RBM47: variants seen among roughly 807,000 people sequenced by gnomAD.
RBM47 encodes the protein RNA binding motif protein 47, also known as RNA-binding protein 47.
A neutral mutation model predicts 47.1 loss-of-function variants in RBM47; 21 were observed. The observed-to-expected ratio is 0.45, with a 90% CI of 0.32 to 0.64. The LOEUF is 0.64. Among genes scored for constraint, RBM47 ranks in the 30% least tolerant of loss-of-function variants. The pLI is 0.05. For missense variants in RBM47, 708 were observed against 870.9 expected (o/e 0.81, Z 2.35); for synonymous variants, 375 against 361.7 (o/e 1.04, Z -0.42).
At chr4:40,576,250 T>C (rs1261433412) in intron 1 of RBM47, among the ~76,000 whole-genome samples, 1 of 95,910 alleles carries the variant, frequency 1.0e-5, no homozygotes, top group East Asian at 2.3e-4. Flanking sequence ...GTTTTTTTTT[T>C]TTTTTTGGGG....
intron 3 of RBM47, among the ~76,000 whole-genome samples, chr4:40,445,975 G>T (rs977737227): frequency 3.3e-5 from 5 of 152,286 alleles, no homozygotes; most frequent in Admixed American, 6.5e-5. Flanking sequence ...AAAGGGACTG[G>T]GCATTCTGGT....
At chr4:40,465,442 C>T (rs1033856657) in intron 3 of RBM47, among the ~76,000 whole-genome samples, 1 of 152,140 alleles carries the variant, frequency 6.6e-6, no homozygotes, top group Non-Finnish European at 1.5e-5. Flanking sequence ...GGCAGATTGC[C>T]TGAGCTCAGA....
rs1256296949 is a variant in RBM47, at chr4:40,437,090, A to AAAAAAAAAAAAATATATAT, written c.1124-444_1124-443insATATATATTTTTTTTTTTT. Among the ~76,000 whole-genome samples, 28 of 49,778 alleles carry AAAAAAAAAAAAATATATAT rather than the reference A, an allele frequency of 5.6e-4. 1 individual carries two copies. The highest frequency in any genetic ancestry group is 2.6e-3 in the African/African-American group (24 of 9,144). 32.7% of individuals were successfully genotyped at this position (49,778 alleles called of 152,430 possible). A position where few individuals can be genotyped will look rare whatever the true frequency, so the allele number is the denominator to read the frequency against. ...CCCTGTCTCAAAAAAAAAAAAAAAA[A>AAAAAAAAAAAAATATATAT]ATATATATATATATATATATAAAAT... On this transcript the variant is annotated intron_variant, in intron 4 of 6. Transcript: ENST00000295971.
At chr4:40,563,815 G>A (rs1446977379) in intron 1 of RBM47, among the ~76,000 whole-genome samples, 2 of 152,168 alleles carry the variant, frequency 1.3e-5, no homozygotes, top group Non-Finnish European at 2.9e-5. Flanking sequence ...CACCCTTCAG[G>A]AAGGCACATT....
intron 2 of RBM47, among the ~76,000 whole-genome samples, chr4:40,531,847 C>A (rs900479755): frequency 6.6e-6 from 1 of 151,802 alleles, no homozygotes; most frequent in South Asian, 2.1e-4. Context: ...GATGGTAGTG[C>A]GAATGAAGAG....
chr4:40,451,562 A>G (rs975083594), intron 3 of RBM47, among the ~76,000 whole-genome samples: 1 of 152,190 alleles, frequency 6.6e-6, no homozygotes, highest in Non-Finnish European at 1.5e-5. Flanking sequence ...TTTCTTCAAT[A>G]ATGCAATAAC....
At chr4:40,560,440 A>T (rs1577960267) in intron 1 of RBM47, among the ~76,000 whole-genome samples, 1 of 55,014 alleles carries the variant, frequency 1.8e-5, no homozygotes, top group African/African-American at 1.6e-4. Context: ...AGGTGCATTT[A>T]AAAAAAAAAT....
chr4:40,598,017 T>C (rs1734911157), intron 1 of RBM47, among the ~76,000 whole-genome samples: 1 of 152,326 alleles, frequency 6.6e-6, no homozygotes, highest in East Asian at 1.9e-4. Context: ...CGGAATCTTT[T>C]TAAGGCAGGG....
At chr4:40,585,864 T>A (rs1199319547) in intron 1 of RBM47, among the ~76,000 whole-genome samples, 1 of 152,222 alleles carries the variant, frequency 6.6e-6, no homozygotes, top group Non-Finnish European at 1.5e-5. Flanking sequence ...GACCTATGTG[T>A]TGAATGAGTG....
chr4:40,483,005 CACTA>C (rs1428147794), intron 2 of RBM47, among the ~76,000 whole-genome samples: 2 of 152,104 alleles, frequency 1.3e-5, no homozygotes, highest in African/African-American at 4.8e-5. Context: ...AAAAATCAAA[CACTA>C]AAACTTTAGC....
chr4:40,568,978 T>A (rs1731386295), intron 1 of RBM47, among the ~76,000 whole-genome samples: 1 of 132,828 alleles, frequency 7.5e-6, no homozygotes, highest in Admixed American at 7.4e-5. Context: ...TGAGACTCTG[T>A]CTCAAAAGAT....
At chr4:40,498,054 T>TTATATATATATA (rs6148409) in intron 2 of RBM47, among the ~76,000 whole-genome samples, 1,210 of 109,770 alleles carry the variant, frequency 0.011, 40 homozygotes, top group African/African-American at 0.031. Flanking sequence ...AGTGCTTGTT[T>TTATATATATATA]TATATATATA....
At chr4:40,522,140 C>A (rs972742072) in intron 2 of RBM47, among the ~76,000 whole-genome samples, 1 of 152,148 alleles carries the variant, frequency 6.6e-6, no homozygotes, top group Non-Finnish European at 1.5e-5. Flanking sequence ...ATGGGCCAAC[C>A]AATTTTAATG....
intron 3 of RBM47, among the ~76,000 whole-genome samples, chr4:40,455,032 C>T (rs1716027147): frequency 6.6e-6 from 1 of 152,176 alleles, no homozygotes; most frequent in Admixed American, 6.5e-5. Flanking sequence ...CCAGTACAGA[C>T]ACATGGTAAA....
intron 1 of RBM47, among the ~76,000 whole-genome samples, chr4:40,618,808 CAAAAAAAAAAA>C (rs35543412): frequency 1.8e-4 from 5 of 27,608 alleles, no homozygotes; most frequent in African/African-American, 3.7e-4. Flanking sequence ...GACTCCATCT[CAAAAAAAAAAA>C]AAAAAAAAAA....
intron 1 of RBM47, among the ~76,000 whole-genome samples, chr4:40,598,082 C>T (rs1188585258): frequency 6.6e-6 from 1 of 152,166 alleles, no homozygotes; most frequent in Non-Finnish European, 1.5e-5. Flanking sequence ...TGTATTATTG[C>T]ATAGCAGAGT....
intron 1 of RBM47, among the ~76,000 whole-genome samples, chr4:40,587,253 T>C (rs1335873020): frequency 1.3e-5 from 2 of 151,954 alleles, no homozygotes; most frequent in Non-Finnish European, 2.9e-5. Flanking sequence ...TTTGGGAATA[T>C]ATGGGGTGCA....
rs1409106770 is a variant in RBM47 at position 40,438,874 on chromosome 4, G to A, written c.20C>T (p.Thr7Ile). 7.7e-6 allele frequency: 12 copies of A among 1,558,418 alleles called. No homozygotes were observed. Among genetic ancestry groups the A allele is most frequent in the Non-Finnish European group, 1.0e-5 (12 of 1,158,264 alleles). The change falls in exon 4 of 7, where the codon ACC becomes ATC. Residue 7 changes from threonine to isoleucine, a missense_variant. Coordinates refer to ENST00000295971, the MANE Select transcript of RBM47 (RefSeq NM_001098634.2). The stretch of plus-strand genomic sequence containing the variant: ...GGCCGAGTCACTGCTCATGGCTGCG[G>A]TGGAATCCTCTGCGGTCATAATGTC... MTAEDS[T>I]AAMSSDSAAG... is the part of the protein sequence containing the mutation.
chr4:40,468,711 T>A (rs377563508), intron 2 of RBM47, among the ~76,000 whole-genome samples: 3 of 152,348 alleles, frequency 2.0e-5, no homozygotes, highest in African/African-American at 7.2e-5. Flanking sequence ...CTAGTTTTAA[T>A]CTTGTTAACA....
Sources: gnomAD v4.1 joint callset for allele counts (sites outside exome capture counted in the v4.1 genomes callset) on GRCh38, gnomAD v4.1.1 for gene constraint, MANE v1.5 for transcripts, NCBI Gene and HGNC (gene_info 2026-07-23, HGNC 2026-07-21) for gene names.